TNKS2: variants seen among roughly 807,000 people sequenced by gnomAD.
TNKS2 encodes the protein poly [ADP-ribose] polymerase tankyrase-2.
TNKS2 carries 72 observed loss-of-function variants against 137.6 expected under a neutral mutation model. That is an observed-to-expected ratio of 0.52 (90% CI 0.43 to 0.64). The LOEUF is 0.64. TNKS2 is among the 30% of genes least tolerant of loss of function. TNKS2 has a pLI of 0.00. For synonymous variants in TNKS2, 516 were observed against 512.1 expected, an observed-to-expected ratio of 1.01 and a Z score of -0.10; for missense variants, 1,049 against 1,410.2, an observed-to-expected ratio of 0.74 and a Z score of 4.10.
chr10:91,836,709 T>C, intron 12 of TNKS2: 1 of 985,164 alleles, frequency 1.0e-6, no homozygotes. Context: ...CATTTACATA[T>C]TTTGCTTATA....
In TNKS2 at chr10:91,862,044, G is replaced by A; in HGVS notation, c.3327G>A (p.Gln1109=). The change falls in exon 26 of 27, where the codon CAG becomes CAA. Residue 1109 remains glutamine (Q), a synonymous_variant. Coordinates refer to ENST00000371627, the MANE Select transcript of TNKS2 (RefSeq NM_025235.4). ...TAACCTTGGGAAAGTCTTTCCTGCA[G>A]TTCAGTGCAATGAAAATGGCACATT... The part of the protein sequence containing the change: ...CRVTLGKSFL[Q]FSAMKMAHSP... The A allele has an allele frequency of 1.2e-6, 2 of 1,613,064 alleles. No individual in the cohort carries two copies. The highest frequency in any genetic ancestry group is 1.1e-5 in the South Asian group (1 of 90,958).
chr10:91,822,345 A>G lies in TNKS2; in HGVS notation c.778A>G (p.Thr260Ala), dbSNP rs200360192. The G allele has an allele frequency of 9.4e-5, 152 of 1,613,498 alleles. No homozygotes were observed. In the Admixed American group the frequency reaches 1.5e-3, roughly 16 times the overall value. The change falls in exon 7 of 27, where the codon ACT becomes GCT. Residue 260 changes from threonine to alanine, a missense_variant. By Grantham distance (58) the Thr-to-Ala change is moderately conservative. This residue lies in a region of TNKS2 where 374 missense variants were observed against 460.8 expected (regional missense o/e 0.81). Transcript: ENST00000371627. ...NACSYGHYEVTELLVKHGACV... is the reference protein window; with the variant it reads ...NACSYGHYEVAELLVKHGACV... ...CTGTTCTTATGGTCATTATGAAGTA[A>G]CTGAACTTTTGGTCAAGGTTAGTGC... is the stretch of plus-strand genomic sequence containing the variant.
chr10:91,853,049 A>G (rs1020581148), intron 21 of TNKS2, among the ~76,000 whole-genome samples: 1 of 152,250 alleles, frequency 6.6e-6, no homozygotes, highest in African/African-American at 2.4e-5. Flanking sequence ...GTTGTAGACC[A>G]TCGTTGTAAC....
chr10:91,801,984 C>G (rs1035637275), intron 1 of TNKS2, among the ~76,000 whole-genome samples: 2 of 152,180 alleles, frequency 1.3e-5, no homozygotes, highest in Non-Finnish European at 2.9e-5. Flanking sequence ...AGAAAGTTAT[C>G]TTGATGCCCA....
intron 16 of TNKS2, among the ~76,000 whole-genome samples, chr10:91,844,337 A>G (rs1202965560): frequency 1.3e-5 from 2 of 152,208 alleles, no homozygotes; most frequent in Admixed American, 6.5e-5. Context: ...CAAAAGGATA[A>G]AAACTATAAT....
intron 26 of TNKS2, among the ~76,000 whole-genome samples, 174 bp downstream of exon 26, chr10:91,862,329 A>G (rs999402990): frequency 2.0e-5 from 3 of 152,176 alleles, no homozygotes; most frequent in Non-Finnish European, 2.9e-5. Context: ...ATTTTCTTAT[A>G]ACCTTTACCT....
chr10:91,819,866 G>A (rs112967705), intron 5 of TNKS2, 73 bp from the exon 6 acceptor site: 4 of 1,201,516 alleles, frequency 3.3e-6, no homozygotes, highest in African/African-American at 3.1e-5. Context: ...TTTTATATTT[G>A]GGTTTTTTCC....
rs1231593181 is a variant in TNKS2 at position 91,864,828 on chromosome 10, G to T, written c.*1829G>T. ...AGAAGATAATGAGAGAATTAATGGG[G>T]TTTATATTTACATTATCTCTCAACT... On this transcript the variant is annotated 3_prime_UTR_variant, in exon 27 of 27. Transcript: ENST00000371627. 6.6e-6 allele frequency: 1 copy of T among 152,440 alleles called. No individual in the cohort carries two copies. Among genetic ancestry groups the T allele is most frequent in the Admixed American group, 6.6e-5 (1 of 15,248 alleles). The allele number at this position is 152,440 out of a possible 1,614,324, so 9.4% of individuals were successfully genotyped here.
chr10:91,836,963 G>A lies in TNKS2; in HGVS notation c.1492G>A (p.Glu498Lys), dbSNP rs201449859. The A allele has an allele frequency of 2.5e-6, 4 of 1,613,504 alleles. No individual in the cohort carries two copies. The highest frequency in any genetic ancestry group is 1.7e-5 in the Admixed American group (1 of 59,972). ...GNSEADRQLL[E>K]AAKAGDVETV... is the part of the protein sequence containing the mutation. ...TTCAGAGGCAGACAGACAATTGCTG[G>A]AAGCTGCAAAGGCTGGAGATGTCGA... The change falls in exon 13 of 27, where the codon GAA becomes AAA. Residue 498 changes from glutamate to lysine, a missense_variant. This residue lies in a region of TNKS2 where 328 missense variants were observed against 436.0 expected (regional missense o/e 0.75). Transcript: ENST00000371627.
At chr10:91,822,953 T>C (rs1844945616) in intron 7 of TNKS2, among the ~76,000 whole-genome samples, 1 of 151,238 alleles carries the variant, frequency 6.6e-6, no homozygotes, top group African/African-American at 2.4e-5. Context: ...CTCAGGAGGC[T>C]GTGGCAGGAG....
Position 91,798,520 on chromosome 10 carries a change from G to A in TNKS2, c.-171G>A. The A allele has an allele frequency of 1.3e-6, 1 of 742,304 alleles. No homozygotes were observed. Among genetic ancestry groups the A allele is most frequent in the Non-Finnish European group, 1.8e-6 (1 of 555,946 alleles). The allele number at this position is 742,304 out of a possible 1,614,324, so 46.0% of individuals were successfully genotyped here. A position where few individuals can be genotyped will look rare whatever the true frequency, so the allele number is the denominator to read the frequency against. ...CCGGGGGGCAGGGAGCCCAGCGAGG[G>A]GCGCGCGTGGGCGCGGCCATGGGAC... On this transcript the variant is annotated 5_prime_UTR_variant, in exon 1 of 27. Coordinates refer to ENST00000371627, the MANE Select transcript of TNKS2 (RefSeq NM_025235.4).
intron 18 of TNKS2, among the ~76,000 whole-genome samples, chr10:91,846,778 T>C (rs1589685872): frequency 6.6e-6 from 1 of 151,712 alleles, no homozygotes; most frequent in East Asian, 1.9e-4. Context: ...TTTACAACAT[T>C]ATCTCTTCAG....
chr10:91,821,508 T>A (rs779880047), intron 6 of TNKS2, among the ~76,000 whole-genome samples: 15 of 152,044 alleles, frequency 9.9e-5, no homozygotes, highest in Admixed American at 3.3e-4. Context: ...CAGGTGACCA[T>A]CCCTTACCAG....
rs771936042 is a variant in TNKS2, at chr10:91,819,480, A to G, written c.558-2A>G. 6.3e-7 allele frequency: 1 copy of G among 1,585,036 alleles called. No homozygotes were observed. The highest frequency in any genetic ancestry group is 2.3e-5 in the East Asian group (1 of 43,638). On this transcript the variant is annotated splice_acceptor_variant, in intron 4 of 26. Transcript: ENST00000371627. LOFTEE classifies it high-confidence loss of function. ...ATTACTAATACTTTTTTTGTATTCTAGGAGTGGCAATGAAGAAAAAATGAT... is the reference window on the plus strand; with the variant it reads ...ATTACTAATACTTTTTTTGTATTCTGGGAGTGGCAATGAAGAAAAAATGAT...
At chr10:91,856,276 C>T (rs1295223032) in intron 23 of TNKS2, among the ~76,000 whole-genome samples, 1 of 152,148 alleles carries the variant, frequency 6.6e-6, no homozygotes, top group Non-Finnish European at 1.5e-5. Flanking sequence ...GCACACCATA[C>T]TTGATGCATA....
At position 91,861,898 on chromosome 10, in the gene TNKS2, T is replaced by G. The variant is rs1257065094; in HGVS notation, c.3282-101T>G. ...AATGATAAAAACAATTATAAGTATT[T>G]ATGTATAAATAATTTTTTAAAACTT... is the stretch of plus-strand genomic sequence containing the variant. On this transcript the variant is annotated intron_variant, in intron 25 of 26. Coordinates refer to ENST00000371627, the MANE Select transcript of TNKS2 (RefSeq NM_025235.4). 5.9e-6 allele frequency: 6 copies of G among 1,018,652 alleles called. No homozygotes were observed. In the African/African-American group the frequency reaches 8.3e-5, roughly 14 times the overall value. 63.1% of individuals were successfully genotyped at this position (1,018,652 alleles called of 1,614,324 possible). A position where few individuals can be genotyped will look rare whatever the true frequency, so the allele number is the denominator to read the frequency against.
intron 2 of TNKS2, among the ~76,000 whole-genome samples, chr10:91,816,347 G>A (rs192130827): frequency 3.8e-4 from 58 of 152,232 alleles, no homozygotes; most frequent in South Asian, 2.1e-3. Flanking sequence ...TTAAAATTCC[G>A]TGTAATTAAC....
chr10:91,851,177 T>A, intron 20 of TNKS2, 39 bp from the exon 21 acceptor site: 14 of 1,607,864 alleles, frequency 8.7e-6, no homozygotes, highest in Non-Finnish European at 1.2e-5. Context: ...GTCCACCAAA[T>A]AAGTAAGCAT....
intron 1 of TNKS2, among the ~76,000 whole-genome samples, chr10:91,803,834 A>G (rs1188260018): frequency 6.6e-6 from 1 of 152,154 alleles, no homozygotes; most frequent in African/African-American, 2.4e-5. Flanking sequence ...GTGATAGCCT[A>G]CCTTTAGATA....
Sources: allele counts gnomAD v4.1 joint callset (sites outside exome capture counted in the v4.1 genomes callset), GRCh38; gene constraint gnomAD v4.1.1; regional missense constraint gnomAD v4.1.1; transcripts MANE v1.5; gene names NCBI Gene and HGNC (gene_info 2026-07-23, HGNC 2026-07-21).